TMEM220: variants seen among roughly 807,000 people sequenced by gnomAD.
TMEM220 encodes transmembrane protein 220.
TMEM220 carries 21 observed loss-of-function variants against 21.7 expected under a neutral mutation model. That is an observed-to-expected ratio of 0.97 (90% confidence interval 0.69 to 1.39). The LOEUF (loss-of-function observed/expected upper bound fraction) is 1.39. TMEM220 is among the 40% of genes most tolerant of loss of function. The probability of loss-of-function intolerance (pLI) is 0.00; values close to 1 mark genes in which losing one functional copy is unlikely to be tolerated. For missense variants in TMEM220, 191 were observed against 201.9 expected, an observed-to-expected ratio of 0.95 and a Z score of 0.33; for synonymous variants, 80 against 73.6, an observed-to-expected ratio of 1.09 and a Z score of -0.45.
chr17:10,730,012 C>T lies in TMEM220; in HGVS notation c.-161G>A, dbSNP rs1254356166. 10 of 1,218,668 alleles carry T rather than the reference C, an allele frequency of 8.2e-6. No homozygotes were observed. Among genetic ancestry groups the T allele is most frequent in the Non-Finnish European group, 1.0e-5 (10 of 978,892 alleles). The allele number at this position is 1,218,668 out of a possible 1,614,324, so 75.5% of individuals were successfully genotyped here. ...CCGTGGCCGTCGCTCCGCCCGGGGG[C>T]GGGGAGCGAAGGGCGTGGGTGTAGC... is the stretch of plus-strand genomic sequence containing the variant. On this transcript the variant is annotated 5_prime_UTR_variant, in exon 1 of 6. Transcript: ENST00000341871.
At chr17:10,718,294 G>A (rs1300192050) in intron 5 of TMEM220, among the ~76,000 whole-genome samples, 1 of 151,932 alleles carries the variant, frequency 6.6e-6, no homozygotes, top group Non-Finnish European at 1.5e-5. Context: ...TATTATAGTA[G>A]TATTCTCTTT....
chr17:10,727,888 C>T (rs569191769), intron 2 of TMEM220, among the ~76,000 whole-genome samples: 2 of 152,216 alleles, frequency 1.3e-5, no homozygotes, highest in East Asian at 1.9e-4. Flanking sequence ...GAGCCGGGCG[C>T]GGTGACTCAT....
At chr17:10,721,173 A>G (rs2074984149) in intron 5 of TMEM220, among the ~76,000 whole-genome samples, 1 of 152,238 alleles carries the variant, frequency 6.6e-6, no homozygotes, top group Non-Finnish European at 1.5e-5. Flanking sequence ...GTCATACCAG[A>G]AAGCAAGGAA....
chr17:10,724,538 C>A (rs1359521280), intron 4 of TMEM220: 1 of 157,756 alleles, frequency 6.3e-6, no homozygotes, highest in Admixed American at 6.1e-5. Context: ...AGAGATCGCG[C>A]CACTGCACTC....
At position 10,715,561 on chromosome 17, in the gene TMEM220, C is replaced by A. The variant is rs1343585400; in HGVS notation, c.375G>T (p.Leu125Phe). 1 of 1,593,210 alleles carries A rather than the reference C, an allele frequency of 6.3e-7. No individual in the cohort carries two copies. ...AAAGTGTGATTACAATGGCAATAGC[C>A]AATTGAATTCTTCCACCAACTGGAT... ...SKNPVGGRIQ[L>F]AIAIVITLFP... is the part of the protein sequence containing the mutation. The change falls in exon 6 of 6, where the codon TTG (leucine) becomes TTT (phenylalanine). Residue 125 changes from leucine to phenylalanine, a missense_variant. Leu to Phe is a conservative substitution (Grantham distance 22). Coordinates refer to ENST00000341871, the MANE Select transcript of TMEM220 (RefSeq NM_001004313.3).
intron 5 of TMEM220, among the ~76,000 whole-genome samples, chr17:10,719,400 T>C (rs1386352175): frequency 6.6e-6 from 1 of 152,276 alleles, no homozygotes; most frequent in Admixed American, 6.5e-5. Context: ...CCCAAGTAGC[T>C]GGGACTACAG....
Position 10,729,862 on chromosome 17 carries a change from ACAC to A in TMEM220, c.-14_-12del. ...CAGCGCTGGCGCCATGGCTCGGAGA[ACAC>A]GGCGCGGGGCGGTGAGTCCTGCCAC... On this transcript the variant is annotated 5_prime_UTR_variant, in exon 1 of 6. Transcript: ENST00000341871. 7.5e-7 allele frequency: 1 copy of A among 1,332,002 alleles called. No homozygotes were observed. Among genetic ancestry groups the A allele is most frequent in the East Asian group, 3.1e-5 (1 of 32,454 alleles). The allele number at this position is 1,332,002 out of a possible 1,614,324, so 82.5% of individuals were successfully genotyped here.
At chr17:10,718,020 C>T (rs747979090) in intron 5 of TMEM220, among the ~76,000 whole-genome samples, 8 of 152,094 alleles carry the variant, frequency 5.3e-5, no homozygotes, top group African/African-American at 1.2e-4. Flanking sequence ...TGGGGTTTCA[C>T]CATGTTAGCC....
At chr17:10,721,966 T>TG (rs56105473) in intron 5 of TMEM220, among the ~76,000 whole-genome samples, 76,598 of 149,808 alleles carry the variant, frequency 0.51, 20,394 homozygotes, top group African/African-American at 0.66. Flanking sequence ...GGTTGTCTTT[T>TG]TAAGCAGTGT....
At position 10,715,669 on chromosome 17, in the gene TMEM220, CAT is replaced by C. The variant is rs1212882264; in HGVS notation, c.348-83_348-82del. The C allele has an allele frequency of 1.2e-5, 13 of 1,055,088 alleles. No individual in the cohort carries two copies. In the South Asian group the frequency reaches 1.8e-4, roughly 15 times the overall value. The allele number at this position is 1,055,088 out of a possible 1,614,324, so 65.4% of individuals were successfully genotyped here. ...GTATAAAGACTGAATTGATAAAACA[CAT>C]AATTACATTTTAGTATGTTCTCATC... On this transcript the variant is annotated intron_variant, in intron 5 of 5. Coordinates refer to ENST00000341871, the MANE Select transcript of TMEM220 (RefSeq NM_001004313.3).
chr17:10,723,514 T>C (rs1449494329), intron 4 of TMEM220, among the ~76,000 whole-genome samples, 185 bp from the exon 5 acceptor site: 1 of 152,186 alleles, frequency 6.6e-6, no homozygotes, highest in Non-Finnish European at 1.5e-5. Context: ...TTTCAGAGAA[T>C]TTAAAGCCTC....
intron 5 of TMEM220, among the ~76,000 whole-genome samples, chr17:10,716,827 A>G (rs530032088): frequency 6.6e-6 from 1 of 152,134 alleles, no homozygotes; most frequent in Non-Finnish European, 1.5e-5. Context: ...TCCTTTTGTC[A>G]TTATATGTTT....
downstream of TMEM220, among the ~76,000 whole-genome samples, chr17:10,712,332 C>T (rs2074859694): frequency 6.6e-6 from 1 of 152,216 alleles, no homozygotes; most frequent in South Asian, 2.1e-4. Context: ...CTTGTGGTAA[C>T]ATTCAGGGCC....
intron 5 of TMEM220, 108 bp from the exon 6 acceptor site, chr17:10,715,696 CTCAGT>C (rs2074908287): frequency 1.3e-6 from 1 of 761,538 alleles, no homozygotes; most frequent in East Asian, 3.1e-5. Context: ...ATGTTCTCAT[CTCAGT>C]TGTTTTATTG....
intron 2 of TMEM220, 37 bp from the exon 3 acceptor site, chr17:10,726,301 A>G (rs978580834): frequency 1.1e-4 from 162 of 1,488,410 alleles, no homozygotes; most frequent in Non-Finnish European, 1.5e-4. Context: ...ATGAGTTAAG[A>G]TGTATGCCCA....
intron 2 of TMEM220, among the ~76,000 whole-genome samples, chr17:10,728,054 G>A (rs577835735): frequency 3.5e-3 from 536 of 152,000 alleles, no homozygotes; most frequent in African/African-American, 0.012. Context: ...CAGTTACTTG[G>A]GACACTGAGG....
intron 2 of TMEM220, chr17:10,726,493 A>C: frequency 1.8e-6 from 1 of 549,342 alleles, no homozygotes; most frequent in Non-Finnish European, 3.3e-6. Flanking sequence ...GCTATTCCAG[A>C]AGCTCATTTA....
At chr17:10,717,595 C>T (rs149734816) in intron 5 of TMEM220, among the ~76,000 whole-genome samples, 521 of 152,278 alleles carry the variant, frequency 3.4e-3, no homozygotes, top group African/African-American at 0.012. Flanking sequence ...CATCTGTGGT[C>T]ATGAGTGAGA....
intron 1 of TMEM220, 75 bp downstream of exon 1, chr17:10,729,705 C>G (rs927032070): frequency 8.0e-7 from 1 of 1,249,898 alleles, no homozygotes; most frequent in African/African-American, 1.6e-5. Flanking sequence ...GCCCGCTAGT[C>G]AGTTACACGG....
Sources: gnomAD v4.1 joint callset for allele counts (sites outside exome capture counted in the v4.1 genomes callset) on GRCh38, gnomAD v4.1.1 for gene constraint, MANE v1.5 for transcripts, NCBI Gene and HGNC (gene_info 2026-07-23, HGNC 2026-07-21) for gene names.